Variants in MDGA1 observed in about 807,000 individuals in gnomAD.
MDGA1 encodes the protein MAM domain-containing glycosylphosphatidylinositol anchor protein 1.
Under a neutral mutation model 101.5 loss-of-function variants are expected in MDGA1, and 54 were observed. That is an observed-to-expected ratio of 0.53 (90% CI 0.43 to 0.67). The LOEUF is 0.67. Among genes scored for constraint, MDGA1 ranks in the 30% least tolerant of loss-of-function variants. The probability of loss-of-function intolerance (pLI) is 0.00; values close to 1 mark genes in which losing one functional copy is unlikely to be tolerated. For synonymous variants in MDGA1, 533 were observed against 558.3 expected, an observed-to-expected ratio of 0.95 and a Z score of 0.64; for missense variants, 1,083 against 1,323.8, an observed-to-expected ratio of 0.82 and a Z score of 2.82.
intron 14 of MDGA1, chr6:37,641,789 T>G (rs1344999452): frequency 2.0e-5 from 3 of 152,142 alleles, no homozygotes; most frequent in Non-Finnish European, 4.4e-5. Context: ...GGAGTCCTGG[T>G]CATCCACTCT....
intron 1 of MDGA1, among the ~76,000 whole-genome samples, chr6:37,664,803 CAACCATCTCAGGCTT>C (rs1419789545): frequency 2.8e-5 from 4 of 142,874 alleles, no homozygotes; most frequent in Middle Eastern, 3.8e-3. Context: ...TCCCCAGCCC[CAACCATCTCAGGCTT>C]TGCTTTTAGA....
Position 37,664,003 on chromosome 6 carries a change from C to T in MDGA1, c.171G>A (p.Met57Ile), listed in dbSNP as rs1350588005. The T allele has an allele frequency of 6.2e-7, 1 of 1,613,992 alleles. No homozygotes were observed. Among genetic ancestry groups the T allele is most frequent in the Non-Finnish European group, 8.5e-7 (1 of 1,179,860 alleles). The stretch of plus-strand genomic sequence containing the variant: ...GGTGCCCTGTTACAAGGCACTGCAG[C>T]ATGAGGGTGTCCCCCTCCCGGATGG... ...VYTIREGDTL[M>I]LQCLVTGHPR... is the part of the protein sequence containing the mutation. Residue 57 changes from methionine (M) to isoleucine (I), a missense_variant, in exon 2 of 17, where the codon ATG (methionine) becomes ATA (isoleucine). Met to Ile is a conservative substitution (Grantham distance 10). This residue lies in a region of MDGA1 where 310 missense variants were observed against 355.9 expected (regional missense o/e 0.87). Coordinates refer to ENST00000434837, the MANE Select transcript of MDGA1 (RefSeq NM_153487.4).
At chr6:37,656,301 C>T (rs1761485914) in intron 3 of MDGA1, among the ~76,000 whole-genome samples, 1 of 151,796 alleles carries the variant, frequency 6.6e-6, no homozygotes, top group Non-Finnish European at 1.5e-5. Context: ...TGGTCTCGAT[C>T]TCCTGACCTT....
chr6:37,646,143 G>A (rs1488577350), intron 11 of MDGA1, 55 bp downstream of exon 11: 16 of 1,552,394 alleles, frequency 1.0e-5, no homozygotes, highest in Admixed American at 3.7e-5. Flanking sequence ...ATGGTGAAAG[G>A]GGTCCCTGGC....
At chr6:37,659,515 AAACAG>A (rs1322790906) in intron 2 of MDGA1, among the ~76,000 whole-genome samples, 1 of 152,224 alleles carries the variant, frequency 6.6e-6, no homozygotes, top group African/African-American at 2.4e-5. Context: ...GTTTTAAGAA[AAACAG>A]ATCAGTTCTA....
Position 37,637,466 on chromosome 6 carries a change from C to T in MDGA1, c.2777-7G>A. The T allele has an allele frequency of 6.2e-7, 1 of 1,611,726 alleles. No homozygotes were observed. The highest frequency in any genetic ancestry group is 8.5e-7 in the Non-Finnish European group (1 of 1,178,444). On this transcript the variant is annotated splice_polypyrimidine_tract_variant and splice_region_variant and intron_variant, in intron 16 of 16. Coordinates refer to ENST00000434837, the MANE Select transcript of MDGA1 (RefSeq NM_153487.4). Reference sequence around the variant, plus strand: ...CTGCCCGGCATCACCACCACTGCAACAGGGGAGAAAGAGGAGACAGGCCAG... The same window carrying T: ...CTGCCCGGCATCACCACCACTGCAATAGGGGAGAAAGAGGAGACAGGCCAG...
chr6:37,692,116 C>T (rs1561866565), intron 1 of MDGA1, among the ~76,000 whole-genome samples: 1 of 152,124 alleles, frequency 6.6e-6, no homozygotes, highest in Non-Finnish European at 1.5e-5. Context: ...ATGAGCATAA[C>T]TCATCCCTCA....
At position 37,650,154 on chromosome 6, in the gene MDGA1, A is replaced by G. The variant is rs1401244651; in HGVS notation, c.1564T>C (p.Phe522Leu). ...TGGGCCTCACGGGGGCGCACGTTGA[A>G]GCCATTATAGCGGGCCGTCTGGCAG... ...YRCQTARYNGFNVRPREAQVQ... is the reference protein window; with the variant it reads ...YRCQTARYNGLNVRPREAQVQ... The change falls in exon 8 of 17, where the codon TTC becomes CTC. Residue 522 changes from phenylalanine to leucine, a missense_variant. Around this residue, in one of 3 missense-constraint regions of MDGA1, gnomAD observed 657 missense variants for 771.4 expected, o/e 0.85. Transcript: ENST00000434837. 6.2e-7 allele frequency: 1 copy of G among 1,608,974 alleles called. No homozygotes were observed. Among genetic ancestry groups the G allele is most frequent in the South Asian group, 1.1e-5 (1 of 90,918 alleles).
At chr6:37,658,102 C>A (rs1295666396) in intron 3 of MDGA1, 143 bp downstream of exon 3, 3 of 904,614 alleles carry the variant, frequency 3.3e-6, no homozygotes, top group Non-Finnish European at 4.8e-6. Context: ...GTACACACCG[C>A]CTGGTACCTC....
intron 2 of MDGA1, among the ~76,000 whole-genome samples, chr6:37,662,064 G>A (rs1318966821): frequency 1.3e-5 from 2 of 151,786 alleles, no homozygotes; most frequent in African/African-American, 4.8e-5. Flanking sequence ...TTGGGAGGCT[G>A]AGGGGGAAGG....
rs559373243 is a variant in MDGA1 at position 37,675,756 on chromosome 6, A to G, written c.68-11650T>C. ...CAGGGTTACTCATTGTTACTCATGT[A>G]AAATTTCCTTGCCTGGATCCCAGAA... is the stretch of plus-strand genomic sequence containing the variant. On this transcript the variant is annotated intron_variant, in intron 1 of 16. Coordinates refer to ENST00000434837, the MANE Select transcript of MDGA1 (RefSeq NM_153487.4). Among the ~76,000 whole-genome samples the G allele has an allele frequency of 1.1e-4, 16 of 152,310 alleles. No individual in the cohort carries two copies. The South Asian group carries it at 3.1e-3, about 30-fold the overall frequency.
At chr6:37,669,560 G>A (rs1195466488) in intron 1 of MDGA1, among the ~76,000 whole-genome samples, 1 of 152,096 alleles carries the variant, frequency 6.6e-6, no homozygotes, top group African/African-American at 2.4e-5. Flanking sequence ...TCTTTAACAT[G>A]AGTCAGCCTC....
chr6:37,674,333 C>G (rs367946063), intron 1 of MDGA1, among the ~76,000 whole-genome samples: 31 of 152,362 alleles, frequency 2.0e-4, no homozygotes, highest in African/African-American at 5.8e-4. Context: ...CCCGCCACCA[C>G]AATTGAATGC....
chr6:37,654,708 G>A (rs553785065), intron 5 of MDGA1, 92 bp downstream of exon 5: 74 of 1,559,352 alleles, frequency 4.7e-5, no homozygotes, highest in Non-Finnish European at 5.7e-5. Flanking sequence ...ATTAGTGGCA[G>A]TGTGCCTGGA....
Position 37,655,491 on chromosome 6 carries a change from C to T in MDGA1, c.579+209G>A, listed in dbSNP as rs753194628. On this transcript the variant is annotated intron_variant, in intron 4 of 16. Coordinates refer to ENST00000434837, the MANE Select transcript of MDGA1 (RefSeq NM_153487.4). This position sits in a 1 kb window ranked among gnomAD's most constrained non-coding sequence, Gnocchi z 5.1. ...AATGTTCCTGGAGGACATGTTGCCTCGGGGACACTCCTGCCCTCATTGCTG... is the reference window on the plus strand; with the variant it reads ...AATGTTCCTGGAGGACATGTTGCCTTGGGGACACTCCTGCCCTCATTGCTG... 2.7e-5 allele frequency: 14 copies of T among 518,246 alleles called. No homozygotes were observed. Among genetic ancestry groups the T allele is most frequent in the Non-Finnish European group, 3.7e-5 (11 of 295,474 alleles). 32.1% of individuals were successfully genotyped at this position (518,246 alleles called of 1,614,324 possible).
intron 1 of MDGA1, among the ~76,000 whole-genome samples, chr6:37,677,674 T>C (rs1232400557): frequency 2.9e-5 from 4 of 138,148 alleles, no homozygotes; most frequent in Non-Finnish European, 6.4e-5. Context: ...TCATTGGGCT[T>C]CTTTTTTTTC....
intron 6 of MDGA1, 143 bp downstream of exon 6, chr6:37,654,131 C>T (rs1176761600): frequency 2.2e-6 from 2 of 896,914 alleles, no homozygotes; most frequent in Non-Finnish European, 3.2e-6. Context: ...GCAGGGAAAT[C>T]GAAGGGCGTG....
chr6:37,653,303 G>T (rs1343944466), intron 6 of MDGA1, among the ~76,000 whole-genome samples: 1 of 152,208 alleles, frequency 6.6e-6, no homozygotes, highest in African/African-American at 2.4e-5. Flanking sequence ...GGAAAAAGTA[G>T]TCATTAGTCA....
At position 37,655,238 on chromosome 6, in the gene MDGA1, T is replaced by C; in HGVS notation, c.580-306A>G. ...ACGGAGGGGTAAGAAGGGAACTTAC[T>C]CGTACAACCCACACAAACATGGGGC... On this transcript the variant is annotated intron_variant, in intron 4 of 16. Transcript: ENST00000434837. The surrounding 1 kb of genome is among the most constrained non-coding windows in gnomAD (Gnocchi z 5.1). The C allele has an allele frequency of 2.2e-6, 1 of 444,984 alleles. No homozygotes were observed. Among genetic ancestry groups the C allele is most frequent in the Non-Finnish European group, 4.0e-6 (1 of 247,570 alleles). 27.6% of individuals were successfully genotyped at this position (444,984 alleles called of 1,614,324 possible).
Sources: allele counts gnomAD v4.1 joint callset (sites outside exome capture counted in the v4.1 genomes callset), GRCh38; gene constraint gnomAD v4.1.1; regional missense constraint gnomAD v4.1.1; non-coding constraint Gnocchi (gnomAD v3.1); transcripts MANE v1.5; gene names NCBI Gene and HGNC (gene_info 2026-07-23, HGNC 2026-07-21).